The following DDX4 variants were observed in gnomAD, a reference collection of about 807,000 sequenced individuals.
DDX4 encodes DEAD-box helicase 4.
A neutral mutation model predicts 100.0 loss-of-function variants in DDX4; 25 were observed. The observed-to-expected ratio is 0.25, with a 90% CI of 0.18 to 0.35. DDX4 has a LOEUF of 0.35. Among genes scored for constraint, DDX4 ranks in the 10% least tolerant of loss-of-function variants. The pLI is 1.00. For synonymous variants in DDX4, 259 were observed against 275.7 expected, an observed-to-expected ratio of 0.94 and a Z score of 0.60; for missense variants, 635 against 882.4, an observed-to-expected ratio of 0.72 and a Z score of 3.55.
chr5:55,763,953 G>C lies in DDX4; in HGVS notation c.284-61G>C, dbSNP rs190975287. On this transcript the variant is annotated intron_variant, in intron 5 of 21. Coordinates refer to ENST00000505374, the MANE Select transcript of DDX4 (RefSeq NM_024415.3). The stretch of plus-strand genomic sequence containing the variant: ...GAAGGCATCATAACTAGTAGTTCCT[G>C]TGTGGTTATCATTTTTACCACAGAG... 6.3e-5 allele frequency: 74 copies of C among 1,170,244 alleles called. 1 individual carries two copies. In the East Asian group the frequency reaches 1.5e-3, roughly 24 times the overall value. The allele number at this position is 1,170,244 out of a possible 1,614,324, so 72.5% of individuals were successfully genotyped here.
chr5:55,774,988 G>C lies in DDX4; in HGVS notation c.395-4976G>C, dbSNP rs924617378. Among the ~76,000 whole-genome samples, 116 of 152,186 alleles carry C rather than the reference G, an allele frequency of 7.6e-4. 8 individuals carry two copies. ...TGTCATCACTATCATCACCCAGATA[G>C]AAACTTTGTATTCCGTTAGACAACA... On this transcript the variant is annotated intron_variant, in intron 7 of 21. Transcript: ENST00000505374.
chr5:55,802,712 A>T (rs1743398951), intron 18 of DDX4, among the ~76,000 whole-genome samples: 1 of 152,232 alleles, frequency 6.6e-6, no homozygotes, highest in African/African-American at 2.4e-5. Flanking sequence ...CTTACAGCAC[A>T]GCCTTTGGGC....
chr5:55,746,031 A>G lies in DDX4; in HGVS notation c.70-133A>G, dbSNP rs1759232044. 7 of 669,120 alleles carry G rather than the reference A, an allele frequency of 1.0e-5. No individual in the cohort carries two copies. In the East Asian group the frequency reaches 2.0e-4, roughly 19 times the overall value. 41.4% of individuals were successfully genotyped at this position (669,120 alleles called of 1,614,324 possible). ...TTAGTAAAGGAACATCCAGTGATTTAGAAAACCTTACAGTCTATCATTATT... is the reference window on the plus strand; with the variant it reads ...TTAGTAAAGGAACATCCAGTGATTTGGAAAACCTTACAGTCTATCATTATT... On this transcript the variant is annotated intron_variant, in intron 2 of 21. Coordinates refer to ENST00000505374, the MANE Select transcript of DDX4 (RefSeq NM_024415.3).
intron 18 of DDX4, among the ~76,000 whole-genome samples, chr5:55,810,348 G>A (rs930827240): frequency 4.8e-4 from 73 of 152,072 alleles, no homozygotes; most frequent in Admixed American, 3.3e-4. Flanking sequence ...CAGGTGATCC[G>A]CCCGCCTTGG....
intron 18 of DDX4, among the ~76,000 whole-genome samples, chr5:55,806,779 T>G (rs1202704120): frequency 6.6e-6 from 1 of 152,232 alleles, no homozygotes; most frequent in South Asian, 2.1e-4. Flanking sequence ...TGCGGTGTGG[T>G]GCTGAGAAGA....
Position 55,785,282 on chromosome 5 carries a change from GA to G in DDX4, c.626-13del. The G allele has an allele frequency of 2.6e-6, 4 of 1,564,060 alleles. No homozygotes were observed. The highest frequency in any genetic ancestry group is 3.5e-6 in the Non-Finnish European group (4 of 1,136,442). Reference sequence around the variant, plus strand: ...TACATCTTGACCGATTGTCACTTATGAATTTCTTTAATAGGTGGTTACAAAG... The same window carrying G: ...TACATCTTGACCGATTGTCACTTATGATTTCTTTAATAGGTGGTTACAAAG... On this transcript the variant is annotated splice_polypyrimidine_tract_variant and intron_variant, in intron 10 of 21. Coordinates refer to ENST00000505374, the MANE Select transcript of DDX4 (RefSeq NM_024415.3).
intron 7 of DDX4, among the ~76,000 whole-genome samples, chr5:55,772,710 C>T (rs1468881703): frequency 6.6e-6 from 1 of 152,112 alleles, no homozygotes; most frequent in African/African-American, 2.4e-5. Flanking sequence ...GTTAAAAGGG[C>T]CTGGTACCCT....
Position 55,815,106 on chromosome 5 carries a change from A to G in DDX4, c.1921A>G (p.Ile641Val), listed in dbSNP as rs368614330. The change falls in exon 20 of 22, where the codon ATT becomes GTT. Residue 641 changes from isoleucine to valine, a missense_variant. Transcript: ENST00000505374. The stretch of plus-strand genomic sequence containing the variant: ...TCGTTGTGGGAATACTGGCAGAGCA[A>G]TTTCCTTTTTTGATCTTGAATCGGA... ...TGRCGNTGRA[I>V]SFFDLESDNH... 1.4e-5 allele frequency: 22 copies of G among 1,614,096 alleles called. No individual in the cohort carries two copies. Among genetic ancestry groups the G allele is most frequent in the East Asian group, 2.2e-5 (1 of 44,898 alleles).
rs765865437 is a variant in DDX4, at chr5:55,764,058, T to C, written c.328T>C (p.Trp110Arg). 1.2e-6 allele frequency: 2 copies of C among 1,607,924 alleles called. No individual in the cohort carries two copies. The highest frequency in any genetic ancestry group is 2.2e-5 in the South Asian group (2 of 90,878). The change falls in exon 6 of 22, where the codon TGG becomes CGG. Residue 110 changes from tryptophan to arginine, a missense_variant. Coordinates refer to ENST00000505374, the MANE Select transcript of DDX4 (RefSeq NM_024415.3). Reference sequence around the variant, plus strand: ...TGAAGATGGTGATAGCTCTGGTTTCTGGAGAGGTAAGGTTGATATTTTTGT... The same window carrying C: ...TGAAGATGGTGATAGCTCTGGTTTCCGGAGAGGTAAGGTTGATATTTTTGT... ...RFEDGDSSGF[W>R]RESSNDCEDN...
chr5:55,779,428 TTCTGCCCTATGAG>T (rs146866790), intron 7 of DDX4, among the ~76,000 whole-genome samples: 7,410 of 152,244 alleles, frequency 0.049, 361 homozygotes, highest in Admixed American at 0.16. Flanking sequence ...ATTAATCTGG[TTCTGCCCTATGAG>T]TCTGCCCTAT....
At chr5:55,741,946 G>A in intron 2 of DDX4, 1 of 285,552 alleles carries the variant, frequency 3.5e-6, no homozygotes, top group Non-Finnish European at 7.2e-6. Flanking sequence ...TTTTATAGCG[G>A]CTTTATCTGT....
chr5:55,793,640 A>G (rs1742731918), intron 17 of DDX4, among the ~76,000 whole-genome samples: 1 of 152,194 alleles, frequency 6.6e-6, no homozygotes, highest in Non-Finnish European at 1.5e-5. Flanking sequence ...AGATTTCCCT[A>G]GTGGGTCATT....
At chr5:55,763,870 C>T in intron 5 of DDX4, 144 bp from the exon 6 acceptor site, 1 of 593,972 alleles carries the variant, frequency 1.7e-6, no homozygotes, top group South Asian at 2.2e-5. Context: ...AATTGTTGTA[C>T]AGCCTGAGTG....
intron 6 of DDX4, among the ~76,000 whole-genome samples, chr5:55,765,385 T>G (rs988002989): frequency 5.3e-4 from 67 of 126,508 alleles, no homozygotes; most frequent in Non-Finnish European, 9.7e-4. Flanking sequence ...TTTTTCGTTT[T>G]TAGTTCCCCT....
At chr5:55,779,299 A>G (rs1184793915) in intron 7 of DDX4, among the ~76,000 whole-genome samples, 1 of 152,208 alleles carries the variant, frequency 6.6e-6, no homozygotes, top group African/African-American at 2.4e-5. Flanking sequence ...ATACTCTAAT[A>G]TTCAGAAATA....
intron 14 of DDX4, 141 bp downstream of exon 14, chr5:55,786,811 T>C (rs1742274637): frequency 3.0e-6 from 2 of 676,514 alleles, no homozygotes; most frequent in African/African-American, 3.6e-5. Context: ...TTGCTTCTGA[T>C]TTTTATTAGG....
chr5:55,803,084 G>A (rs1399767722), intron 18 of DDX4, among the ~76,000 whole-genome samples: 1 of 150,476 alleles, frequency 6.6e-6, no homozygotes, highest in Non-Finnish European at 1.5e-5. Context: ...ATCTCCTAAT[G>A]CCATCCCTCC....
chr5:55,762,589 G>A (rs977126435), intron 4 of DDX4, among the ~76,000 whole-genome samples: 2 of 152,050 alleles, frequency 1.3e-5, no homozygotes, highest in Admixed American at 6.6e-5. Flanking sequence ...GGAGTTGTTT[G>A]GTGTGAATTA....
At position 55,781,982 on chromosome 5, in the gene DDX4, G is replaced by A. The variant is rs745617638; in HGVS notation, c.625+1G>A. ...AGAAGTGGCAGTGGAAGTGAACGAG[G>A]TAAGTTCTTATTTTGTTTACCCGAA... On this transcript the variant is annotated splice_donor_variant, in intron 10 of 21. Transcript: ENST00000505374. LOFTEE classifies it high-confidence loss of function. The A allele has an allele frequency of 2.5e-6, 4 of 1,613,960 alleles. No individual in the cohort carries two copies. In the South Asian group the frequency reaches 3.3e-5, roughly 13 times the overall value.
Sources: allele counts gnomAD v4.1 joint callset (sites outside exome capture counted in the v4.1 genomes callset), GRCh38; gene constraint gnomAD v4.1.1; transcripts MANE v1.5; gene names NCBI Gene and HGNC (gene_info 2026-07-23, HGNC 2026-07-21).